Variants in PCDH9 observed in about 807,000 individuals in gnomAD.
PCDH9 encodes the protein protocadherin-9.
Under a neutral mutation model 70.6 loss-of-function variants are expected in PCDH9, and 24 were observed. The ratio of observed to expected loss-of-function variants is 0.34; its 90% CI spans 0.25 to 0.48. The LOEUF is 0.48. Among genes scored for constraint, PCDH9 ranks in the 20% least tolerant of loss-of-function variants. PCDH9 has a pLI of 0.99. For synonymous variants in PCDH9, 562 were observed against 558.5 expected (o/e 1.01, Z -0.09); for missense variants, 1,281 against 1,503.6 (o/e 0.85, Z 2.45).
chr13:66,492,436 A>G (rs1355833307), intron 4 of PCDH9, among the ~76,000 whole-genome samples: 1 of 148,236 alleles, frequency 6.7e-6, no homozygotes, highest in Admixed American at 6.8e-5. Context: ...GTTAATGTTT[A>G]TATTTATATA....
At chr13:66,507,129 C>T (rs1379263073) in intron 4 of PCDH9, among the ~76,000 whole-genome samples, 2 of 152,128 alleles carry the variant, frequency 1.3e-5, no homozygotes, top group East Asian at 1.9e-4. Context: ...CAACTTTTCC[C>T]CCTGCTGTAA....
At chr13:66,681,364 T>A (rs776489091) in intron 3 of PCDH9, among the ~76,000 whole-genome samples, 1 of 152,108 alleles carries the variant, frequency 6.6e-6, no homozygotes, top group Non-Finnish European at 1.5e-5. Flanking sequence ...TCCATTACAT[T>A]GAAAAACTAA....
chr13:66,732,665 G>T (rs113474479), intron 3 of PCDH9, among the ~76,000 whole-genome samples: 101 of 151,996 alleles, frequency 6.6e-4, no homozygotes, highest in African/African-American at 2.4e-3. Context: ...TTAAATTTCT[G>T]CTGACTTGCT....
Position 67,227,033 on chromosome 13 carries a change from T to C in PCDH9, c.1408A>G (p.Asn470Asp). The C allele has an allele frequency of 5.0e-6, 8 of 1,614,232 alleles. No individual in the cohort carries two copies. Among genetic ancestry groups the C allele is most frequent in the Non-Finnish European group, 6.8e-6 (8 of 1,180,038 alleles). ...ACTGACAGCTCAATTACAGGCTGGT[T>C]GAAAATTGGTGGGTTGTCATTTTCA... ...EDENDNPPIFNQPVIELSVSE... is the reference protein window; with the variant it reads ...EDENDNPPIFDQPVIELSVSE... Residue 470 changes from asparagine to aspartate, a missense_variant, in exon 2 of 5, where the codon AAC becomes GAC. Asn to Asp is a conservative substitution (Grantham distance 23, BLOSUM62 1). Coordinates refer to ENST00000377865, the MANE Select transcript of PCDH9 (RefSeq NM_203487.3). This position sits in a 1 kb window ranked among gnomAD's most constrained non-coding sequence, Gnocchi z 4.6.
intron 2 of PCDH9, among the ~76,000 whole-genome samples, chr13:67,156,976 C>G (rs2087829628): frequency 3.9e-5 from 6 of 152,198 alleles, no homozygotes; most frequent in Admixed American, 3.9e-4. Context: ...TCTGGCCTAT[C>G]GCTTTAACAC....
intron 4 of PCDH9, among the ~76,000 whole-genome samples, chr13:66,431,695 G>C (rs1454167305): frequency 6.6e-6 from 1 of 151,926 alleles, no homozygotes; most frequent in Non-Finnish European, 1.5e-5. Flanking sequence ...TTCACTTAAA[G>C]TATTGTATTT....
chr13:66,623,114 T>C (rs1374207876), intron 4 of PCDH9, among the ~76,000 whole-genome samples: 1 of 152,226 alleles, frequency 6.6e-6, no homozygotes, highest in East Asian at 1.9e-4. Flanking sequence ...ACACGCCGCC[T>C]TTAAGAACTG....
chr13:67,217,792 T>C (rs995895780), intron 2 of PCDH9: 9 of 152,048 alleles, frequency 5.9e-5, no homozygotes, highest in Non-Finnish European at 1.3e-4. Context: ...AGAGTCTGCA[T>C]ACACAATTGA....
chr13:66,940,880 T>A (rs2082997044), intron 2 of PCDH9, among the ~76,000 whole-genome samples: 1 of 152,036 alleles, frequency 6.6e-6, no homozygotes, highest in Non-Finnish European at 1.5e-5. Flanking sequence ...TATCTGCTGC[T>A]GTGGAGGTGT....
chr13:66,786,573 A>C (rs1186391304), intron 3 of PCDH9, among the ~76,000 whole-genome samples: 2 of 152,168 alleles, frequency 1.3e-5, no homozygotes, highest in Non-Finnish European at 2.9e-5. Flanking sequence ...GCGAAGTACA[A>C]ATTTTCTTAT....
chr13:66,680,657 G>A (rs1320466572), intron 3 of PCDH9, among the ~76,000 whole-genome samples: 2 of 151,734 alleles, frequency 1.3e-5, no homozygotes, highest in African/African-American at 2.4e-5. Context: ...TCGATTAATG[G>A]CATTTCAAAA....
intron 3 of PCDH9, among the ~76,000 whole-genome samples, chr13:66,678,070 C>A (rs1251101881): frequency 1.3e-5 from 2 of 152,014 alleles, no homozygotes; most frequent in Non-Finnish European, 2.9e-5. Context: ...TCTGAAGAGA[C>A]ATTGCAATAT....
At chr13:67,156,276 G>C (rs903948138) in intron 2 of PCDH9, among the ~76,000 whole-genome samples, 1 of 152,086 alleles carries the variant, frequency 6.6e-6, no homozygotes, top group African/African-American at 2.4e-5. Flanking sequence ...ACGTGTAGAG[G>C]AGCGGATCAG....
intron 2 of PCDH9, among the ~76,000 whole-genome samples, chr13:67,198,085 G>C (rs1426346762): frequency 1.3e-5 from 2 of 151,364 alleles, no homozygotes; most frequent in Admixed American, 6.6e-5. Context: ...TGATTTTTAT[G>C]AACTATAGGG....
intron 2 of PCDH9, among the ~76,000 whole-genome samples, chr13:67,061,418 T>C (rs1024363802): frequency 1.3e-5 from 2 of 152,052 alleles, no homozygotes; most frequent in Non-Finnish European, 2.9e-5. Context: ...TCTATATATA[T>C]ATGTATATAT....
chr13:66,807,417 T>C (rs2080427853), intron 3 of PCDH9, among the ~76,000 whole-genome samples: 1 of 152,192 alleles, frequency 6.6e-6, no homozygotes, highest in African/African-American at 2.4e-5. Flanking sequence ...GTCCATCTCC[T>C]TGTTTAAATA....
At chr13:66,318,632 T>C (rs1955697566) in intron 4 of PCDH9, among the ~76,000 whole-genome samples, 1 of 152,124 alleles carries the variant, frequency 6.6e-6, no homozygotes, top group Admixed American at 6.5e-5. Flanking sequence ...GGGAACAAAA[T>C]GGAGGCAGAG....
chr13:66,751,809 T>C (rs998399195), intron 3 of PCDH9, among the ~76,000 whole-genome samples: 3 of 152,222 alleles, frequency 2.0e-5, no homozygotes, highest in Non-Finnish European at 2.9e-5. Flanking sequence ...TTGGCTACCA[T>C]ACCAGACAAC....
chr13:66,765,529 T>C (rs1566179442), intron 3 of PCDH9, among the ~76,000 whole-genome samples: 1 of 151,704 alleles, frequency 6.6e-6, no homozygotes, highest in African/African-American at 2.4e-5. Context: ...AGATAAATGG[T>C]TGAGGTTAAT....
Sources: allele counts gnomAD v4.1 joint callset (sites outside exome capture counted in the v4.1 genomes callset), GRCh38; gene constraint gnomAD v4.1.1; non-coding constraint Gnocchi (gnomAD v3.1); transcripts MANE v1.5; gene names NCBI Gene and HGNC (gene_info 2026-07-23, HGNC 2026-07-21).